GALNT5: variants seen among roughly 807,000 people sequenced by gnomAD.
GALNT5 encodes the protein UDP-GalNAc:polypeptide N-acetylgalactosaminyltransferase 5.
GALNT5 carries 72 observed loss-of-function variants against 85.4 expected under a neutral mutation model. The ratio of observed to expected loss-of-function variants is 0.84; its 90% CI spans 0.70 to 1.03. The LOEUF is 1.03. Ranked by LOEUF, GALNT5 falls within the 50% of genes least tolerant of loss-of-function variation. GALNT5 has a pLI of 0.00. For missense variants in GALNT5, 1,137 were observed against 1,135.5 expected (o/e 1.00, Z -0.02); for synonymous variants, 404 against 397.0 (o/e 1.02, Z -0.21).
chr2:157,263,991 G>T (rs537238129), intron 1 of GALNT5, among the ~76,000 whole-genome samples: 1 of 152,016 alleles, frequency 6.6e-6, no homozygotes, highest in Admixed American at 6.6e-5. Context: ...AATGTTTTAC[G>T]TCAGTATGTA....
rs1197797770 is a variant in GALNT5 at position 157,315,166 on chromosome 2, AGAAAG to A, written c.*3822_*3826del. Among the ~76,000 whole-genome samples, 1 of 152,204 alleles carries A rather than the reference AGAAAG, an allele frequency of 6.6e-6. No individual in the cohort carries two copies. The highest frequency in any genetic ancestry group is 2.4e-5 in the African/African-American group (1 of 41,468). ...AAATGACATTGGGTGATGGGAAAAAAGAAAGGAACTAATTATCATTGAGTGTGTGT... is the reference window on the plus strand; with the variant it reads ...AAATGACATTGGGTGATGGGAAAAAAGAACTAATTATCATTGAGTGTGTGT... On this transcript the variant is annotated 3_prime_UTR_variant, in exon 10 of 10. Coordinates refer to ENST00000259056, the MANE Select transcript of GALNT5 (RefSeq NM_014568.3).
rs1199031507 is a variant in GALNT5, at chr2:157,284,405, C to T, written c.1578C>T (p.His526=). The T allele has an allele frequency of 1.9e-6, 3 of 1,613,834 alleles. No homozygotes were observed. Among genetic ancestry groups the T allele is most frequent in the South Asian group, 1.1e-5 (1 of 91,070 alleles). ...GTGTCATCAATCGCTCTCCTCCACA[C>T]CTCATCAAGGAGATTCTGCTGGTAG... ...VHSVINRSPP[H]LIKEILLVDD... is the part of the protein sequence containing the mutation. Residue 526 remains histidine, a synonymous_variant, in exon 2 of 10, where the codon CAC becomes CAT. Coordinates refer to ENST00000259056, the MANE Select transcript of GALNT5 (RefSeq NM_014568.3).
Position 157,300,880 on chromosome 2 carries a change from G to A in GALNT5, c.2320G>A (p.Val774Ile), listed in dbSNP as rs1262160482. 6.2e-7 allele frequency: 1 copy of A among 1,613,898 alleles called. No individual in the cohort carries two copies. The change falls in exon 7 of 10, where the codon GTT (valine) becomes ATT (isoleucine). Residue 774 changes from valine (V) to isoleucine (I), a missense_variant. Val to Ile is a conservative substitution (Grantham distance 29). Transcript: ENST00000259056. ...CCACCTCATCGACCAAGGGCTAGAT[G>A]TTGGCAACCTCACCCAGCAAAGGGA... The part of the protein sequence containing the change: ...GDHLIDQGLD[V>I]GNLTQQRELR...
Position 157,296,496 on chromosome 2 carries a change from A to G in GALNT5, c.1980A>G (p.Lys660=). Residue 660 remains lysine, a synonymous_variant, in exon 5 of 10, where the codon AAA becomes AAG. Transcript: ENST00000259056. ...ATGTCATTGCAAAAAACAGAATTAAAGAAACTGATACAATAAGGTAAGTGT... is the reference window on the plus strand; with the variant it reads ...ATGTCATTGCAAAAAACAGAATTAAGGAAACTGATACAATAAGGTAAGTGT... ...PPDVIAKNRI[K]ETDTIRCPVM... 1.9e-6 allele frequency: 3 copies of G among 1,609,902 alleles called. No homozygotes were observed. The highest frequency in any genetic ancestry group is 1.7e-6 in the Non-Finnish European group (2 of 1,176,414).
Position 157,317,194 on chromosome 2 carries a change from A to T in GALNT5, c.*5846A>T, listed in dbSNP as rs928377894. ...TGTGTGTATATATATATATATATAT[A>T]TATATTTTTTTTTTTGATGCTTTGA... On this transcript the variant is annotated 3_prime_UTR_variant, in exon 10 of 10. Transcript: ENST00000259056. Among the ~76,000 whole-genome samples, 312 of 132,784 alleles carry T rather than the reference A, an allele frequency of 2.3e-3. No individual in the cohort carries two copies. Among genetic ancestry groups the T allele is most frequent in the African/African-American group, 8.3e-3 (248 of 29,930 alleles). The allele number at this position is 132,784 out of a possible 152,430, so 87.1% of individuals were successfully genotyped here. A position where few individuals can be genotyped will look rare whatever the true frequency, so the allele number is the denominator to read the frequency against.
intron 1 of GALNT5, among the ~76,000 whole-genome samples, chr2:157,281,567 A>C (rs1682854259): frequency 6.6e-6 from 1 of 152,190 alleles, no homozygotes; most frequent in Non-Finnish European, 1.5e-5. Context: ...AAATTGCGCC[A>C]TGGCATTCCC....
Position 157,259,315 on chromosome 2 carries a change from AG to A in GALNT5, c.1234del (p.Ala412ProfsTer13). Reference sequence around the variant, plus strand: ...CAGAATACAACCAGAGTCATATAAAAGCCCTTTTACCTGAAGACAGTGGAAC... The same window carrying A: ...CAGAATACAACCAGAGTCATATAAAACCCTTTTACCTGAAGACAGTGGAAC... ...STEYNQSHIK[A>X]LLPEDSGTHQ... On this transcript the variant is annotated frameshift_variant, in exon 1 of 10. Transcript: ENST00000259056. LOFTEE classifies it high-confidence loss of function. 6.3e-7 allele frequency: 1 copy of A among 1,590,268 alleles called. No individual in the cohort carries two copies.
chr2:157,273,920 A>C (rs987108505), intron 1 of GALNT5, among the ~76,000 whole-genome samples: 1 of 151,752 alleles, frequency 6.6e-6, no homozygotes, highest in Non-Finnish European at 1.5e-5. Flanking sequence ...GGTTTGCTGC[A>C]CCCATCAACT....
intron 1 of GALNT5, among the ~76,000 whole-genome samples, chr2:157,269,038 G>A: frequency 6.6e-6 from 1 of 152,186 alleles, no homozygotes; most frequent in East Asian, 1.9e-4. Context: ...GTTGGTGTAG[G>A]ATAACTTGAA....
At chr2:157,270,997 T>C (rs1054276342) in intron 1 of GALNT5, among the ~76,000 whole-genome samples, 1 of 151,852 alleles carries the variant, frequency 6.6e-6, no homozygotes, top group Non-Finnish European at 1.5e-5. Flanking sequence ...GTGCCTGTAG[T>C]CCCAGCTACT....
intron 3 of GALNT5, among the ~76,000 whole-genome samples, chr2:157,289,414 C>T (rs1683045483): frequency 6.6e-6 from 1 of 152,166 alleles, no homozygotes. Context: ...TTCATCACAA[C>T]TCAGTACATG....
chr2:157,281,172 T>C (rs1457470943), intron 1 of GALNT5, among the ~76,000 whole-genome samples: 1 of 152,092 alleles, frequency 6.6e-6, no homozygotes, highest in Non-Finnish European at 1.5e-5. Context: ...CAAGCGATTC[T>C]CCCTGCCTCA....
intron 3 of GALNT5, among the ~76,000 whole-genome samples, chr2:157,287,801 A>G (rs955105070): frequency 1.3e-5 from 2 of 152,184 alleles, no homozygotes; most frequent in African/African-American, 2.4e-5. Context: ...ATGTTCATAC[A>G]TTTCTATGGA....
chr2:157,298,838 T>G (rs1489552075), intron 5 of GALNT5: 1 of 152,410 alleles, frequency 6.6e-6, no homozygotes, highest in Non-Finnish European at 1.5e-5. Flanking sequence ...AGGTGTCTAC[T>G]GTCCTTGGGA....
At position 157,284,295 on chromosome 2, in the gene GALNT5, C is replaced by G; in HGVS notation, c.1468C>G (p.Leu490Val). 6.2e-7 allele frequency: 1 copy of G among 1,613,742 alleles called. No individual in the cohort carries two copies. Among genetic ancestry groups the G allele is most frequent in the Non-Finnish European group, 8.5e-7 (1 of 1,179,688 alleles). ...ATTCTGGCCCAGATGTGCAGAGCAGCTAGTTCACAATAACCTCCCAACCAC... is the reference window on the plus strand; with the variant it reads ...ATTCTGGCCCAGATGTGCAGAGCAGGTAGTTCACAATAACCTCCCAACCAC... ...DTRPAGCAEQ[L>V]VHNNLPTTSV... Residue 490 changes from leucine (L) to valine (V), a missense_variant, in exon 2 of 10, where the codon CTA becomes GTA. Coordinates refer to ENST00000259056, the MANE Select transcript of GALNT5 (RefSeq NM_014568.3).
intron 1 of GALNT5, among the ~76,000 whole-genome samples, chr2:157,282,835 T>A (rs1682885259): frequency 6.6e-6 from 1 of 152,202 alleles, no homozygotes; most frequent in African/African-American, 2.4e-5. Context: ...TCCCAAGATT[T>A]GAAGAAGTGT....
At position 157,311,800 on chromosome 2, in the gene GALNT5, A is replaced by T. The variant is rs1417672491; in HGVS notation, c.*452A>T. On this transcript the variant is annotated 3_prime_UTR_variant, in exon 10 of 10. Transcript: ENST00000259056. The stretch of plus-strand genomic sequence containing the variant: ...TCAAACAAAAATTTCTTGAGTTCTT[A>T]TGGCTAGAAGACCTCAGATGCCCAC... 6.5e-6 allele frequency: 1 copy of T among 154,154 alleles called. No homozygotes were observed. Among genetic ancestry groups the T allele is most frequent in the Non-Finnish European group, 1.4e-5 (1 of 69,580 alleles). The allele number at this position is 154,154 out of a possible 1,614,324, so 9.5% of individuals were successfully genotyped here.
chr2:157,264,194 C>G (rs897594594), intron 1 of GALNT5, among the ~76,000 whole-genome samples: 1 of 151,980 alleles, frequency 6.6e-6, no homozygotes, highest in African/African-American at 2.4e-5. Context: ...CACACACACA[C>G]ACACACACAC....
chr2:157,306,791 G>C (rs749606696), intron 8 of GALNT5, among the ~76,000 whole-genome samples: 2 of 152,122 alleles, frequency 1.3e-5, no homozygotes, highest in Non-Finnish European at 2.9e-5. Context: ...AGAAGAAAAG[G>C]TATCTCTGTT....
Sources: gnomAD v4.1 joint callset for allele counts (sites outside exome capture counted in the v4.1 genomes callset) on GRCh38, gnomAD v4.1.1 for gene constraint, MANE v1.5 for transcripts, NCBI Gene and HGNC (gene_info 2026-07-23, HGNC 2026-07-21) for gene names.